The following SHISA6 variants were observed in gnomAD, a reference collection of about 807,000 sequenced individuals.
SHISA6 encodes shisa family member 6, also known as protein shisa-6.
SHISA6 carries 22 observed loss-of-function variants against 47.9 expected under a neutral mutation model. The ratio of observed to expected loss-of-function variants is 0.46; its 90% confidence interval spans 0.33 to 0.66. SHISA6 has a LOEUF of 0.66. SHISA6 is among the 30% of genes least tolerant of loss of function. SHISA6 has a pLI of 0.02. For missense variants in SHISA6, 680 were observed against 764.6 expected, an observed-to-expected ratio of 0.89 and a Z score of 1.30; for synonymous variants, 388 against 337.8, an observed-to-expected ratio of 1.15 and a Z score of -1.63.
At chr17:11,362,825 C>T (rs1912331885) in intron 2 of SHISA6, among the ~76,000 whole-genome samples, 1 of 152,140 alleles carries the variant, frequency 6.6e-6, no homozygotes, top group Admixed American at 6.5e-5. Context: ...CCTCCTAAAC[C>T]CAGAGATTTA....
intron 3 of SHISA6, among the ~76,000 whole-genome samples, chr17:11,437,560 G>T (rs1025366830): frequency 6.6e-6 from 1 of 152,128 alleles, no homozygotes; most frequent in African/African-American, 2.4e-5. Flanking sequence ...CTTGTTCTCT[G>T]TTCCATGAGC....
intron 2 of SHISA6, among the ~76,000 whole-genome samples, chr17:11,376,772 T>C (rs1912816393): frequency 6.6e-6 from 1 of 152,192 alleles, no homozygotes; most frequent in African/African-American, 2.4e-5. Flanking sequence ...ACATAGTGGT[T>C]CATGAAGAGT....
intron 2 of SHISA6, among the ~76,000 whole-genome samples, chr17:11,285,574 A>G (rs1428390281): frequency 6.6e-6 from 1 of 152,212 alleles, no homozygotes; most frequent in Non-Finnish European, 1.5e-5. Context: ...GTTTGATCCA[A>G]TATGCATTTA....
At chr17:11,526,837 C>T (rs2142367640) in intron 3 of SHISA6, among the ~76,000 whole-genome samples, 1 of 76,096 alleles carries the variant, frequency 1.3e-5, no homozygotes. Flanking sequence ...GTATATATTT[C>T]TGGGGTACAT....
Position 11,269,780 on chromosome 17 carries a change from C to T in SHISA6, c.799+6254C>T, listed in dbSNP as rs546787056. On this transcript the variant is annotated intron_variant, in intron 2 of 5. Transcript: ENST00000441885. ...TTAGCTGGCCAGAATTATGCTTGGC[C>T]TGTGAGGAAACTGAGGCACACAGGG... 1.1e-3 allele frequency among the ~76,000 whole-genome samples: 173 copies of T among 152,214 alleles called. 1 individual carries two copies. Among genetic ancestry groups the T allele is most frequent in the Non-Finnish European group, 2.1e-3 (144 of 68,022 alleles).
intron 3 of SHISA6, among the ~76,000 whole-genome samples, chr17:11,501,068 C>T (rs111356058): frequency 0.034 from 5,202 of 152,074 alleles, 293 homozygotes; most frequent in African/African-American, 0.12. Context: ...ATCTGTTTGA[C>T]TTCAGAGGCC....
At chr17:11,323,952 G>T (rs1023779479) in intron 2 of SHISA6, among the ~76,000 whole-genome samples, 2 of 152,040 alleles carry the variant, frequency 1.3e-5, no homozygotes, top group Non-Finnish European at 2.9e-5. Flanking sequence ...TTGAAATCTG[G>T]ATCCCAGATC....
chr17:11,330,925 A>G (rs533451225), intron 2 of SHISA6, among the ~76,000 whole-genome samples: 6 of 152,196 alleles, frequency 3.9e-5, no homozygotes, highest in Non-Finnish European at 8.8e-5. Flanking sequence ...ACGTATAGTG[A>G]CAACATGAAG....
chr17:11,301,901 G>C (rs190117810), intron 2 of SHISA6, among the ~76,000 whole-genome samples: 5 of 152,314 alleles, frequency 3.3e-5, no homozygotes, highest in African/African-American at 1.2e-4. Flanking sequence ...AAGAGAAAGA[G>C]GTTCAGTTGG....
intron 3 of SHISA6, among the ~76,000 whole-genome samples, chr17:11,527,419 A>G (rs957517630): frequency 5.9e-5 from 9 of 152,162 alleles, no homozygotes; most frequent in South Asian, 4.1e-4. Flanking sequence ...TTACTATAAG[A>G]GTTGGTAAAA....
At chr17:11,433,592 G>A (rs542881160) in intron 3 of SHISA6, among the ~76,000 whole-genome samples, 1 of 152,172 alleles carries the variant, frequency 6.6e-6, no homozygotes, top group South Asian at 2.1e-4. Context: ...TTTCCTCAAG[G>A]ATCTAGAACT....
intron 3 of SHISA6, among the ~76,000 whole-genome samples, chr17:11,524,240 C>A (rs2071656468): frequency 1.3e-5 from 2 of 152,014 alleles, no homozygotes; most frequent in South Asian, 2.1e-4. Context: ...AAGATAACAC[C>A]AAAAATCATA....
rs1302924003 is a variant in SHISA6 at position 11,560,088 on chromosome 17, GTCAGCCCTGGAGATTTTTAA to G, written c.*1787_*1806del. Reference sequence around the variant, plus strand: ...GAGTGTAGAAGGAGAATTTATTGGTGTCAGCCCTGGAGATTTTTAATCTAACCAAGTCCACAAACCACAGA... The same window carrying G: ...GAGTGTAGAAGGAGAATTTATTGGTGTCTAACCAAGTCCACAAACCACAGA... On this transcript the variant is annotated 3_prime_UTR_variant, in exon 6 of 6. Coordinates refer to ENST00000441885, the MANE Select transcript of SHISA6 (RefSeq NM_207386.4). The G allele has an allele frequency of 6.6e-6, 1 of 152,218 alleles. No homozygotes were observed. Among genetic ancestry groups the G allele is most frequent in the African/African-American group, 2.4e-5 (1 of 41,450 alleles). 9.4% of individuals were successfully genotyped at this position (152,218 alleles called of 1,614,324 possible).
chr17:11,274,837 G>A (rs1908819647), intron 2 of SHISA6, among the ~76,000 whole-genome samples: 1 of 152,182 alleles, frequency 6.6e-6, no homozygotes. Flanking sequence ...CACATGCTCA[G>A]AACGCTCAGA....
At chr17:11,342,897 A>G (rs1911587020) in intron 2 of SHISA6, among the ~76,000 whole-genome samples, 1 of 152,196 alleles carries the variant, frequency 6.6e-6, no homozygotes, top group African/African-American at 2.4e-5. Context: ...ATTTCTCCAG[A>G]TACAGAATCA....
intron 3 of SHISA6, among the ~76,000 whole-genome samples, chr17:11,428,031 T>A (rs549094211): frequency 6.6e-6 from 1 of 152,324 alleles, no homozygotes; most frequent in South Asian, 2.1e-4. Context: ...AGTCTGAGAT[T>A]AGTGACAGCT....
intron 3 of SHISA6, among the ~76,000 whole-genome samples, chr17:11,507,237 AG>A (rs2071506883): frequency 6.6e-6 from 1 of 152,244 alleles, no homozygotes. Context: ...GTATTATTGA[AG>A]GAAGGTGAAT....
intron 3 of SHISA6, among the ~76,000 whole-genome samples, chr17:11,429,746 G>T (rs892512945): frequency 6.6e-6 from 1 of 151,646 alleles, no homozygotes; most frequent in Non-Finnish European, 1.5e-5. Flanking sequence ...AGCTGAGATT[G>T]TGCCATTGCA....
At chr17:11,557,341 G>C (rs2071991450) in intron 5 of SHISA6, among the ~76,000 whole-genome samples, 1 of 152,208 alleles carries the variant, frequency 6.6e-6, no homozygotes, top group South Asian at 2.1e-4. Flanking sequence ...TGGTGTGGTA[G>C]ATACGGCCCA....
Sources: gnomAD v4.1 joint callset for allele counts (sites outside exome capture counted in the v4.1 genomes callset) on GRCh38, gnomAD v4.1.1 for gene constraint, MANE v1.5 for transcripts, NCBI Gene and HGNC (gene_info 2026-07-23, HGNC 2026-07-21) for gene names.